MAP3K15: variants seen among roughly 807,000 people sequenced by gnomAD.
The protein encoded by MAP3K15 is mitogen-activated protein kinase kinase kinase 15.
A neutral mutation model predicts 99.5 loss-of-function variants in MAP3K15; 124 were observed. The ratio of observed to expected loss-of-function variants is 1.25; its 90% confidence interval spans 1.08 to 1.45. MAP3K15 has a LOEUF of 1.45. Ranked by LOEUF, MAP3K15 falls within the 40% of genes most tolerant of loss-of-function variation. The pLI is 0.00. For synonymous variants in MAP3K15, 494 were observed against 439.6 expected, an observed-to-expected ratio of 1.12 and a Z score of -1.55; for missense variants, 1,242 against 1,079.7, an observed-to-expected ratio of 1.15 and a Z score of -2.11.
chrX:19,475,917 G>A (rs116314694), intron 3 of MAP3K15, among the ~76,000 whole-genome samples: 1 of 111,835 alleles, frequency 8.9e-6, no homozygotes, highest in African/African-American at 3.2e-5. Context: ...GGCACCCCAT[G>A]CAAGGCATCC....
chrX:19,514,838 G>C, intron 1 of MAP3K15, 63 bp downstream of exon 1: 1 of 636,432 alleles, frequency 1.6e-6, no homozygotes, highest in Non-Finnish European at 2.2e-6. Flanking sequence ...GGGCGGGGCG[G>C]GTGCCCTGGC....
intron 3 of MAP3K15, among the ~76,000 whole-genome samples, chrX:19,483,922 A>T (rs2064307649): frequency 9.0e-6 from 1 of 111,426 alleles, no homozygotes; most frequent in Non-Finnish European, 1.9e-5. Flanking sequence ...GGTACCCCTC[A>T]AGGCTTAGTT....
At chrX:19,361,159 A>C in intron 28 of MAP3K15, 180 bp downstream of exon 28, 2 of 438,322 alleles carry the variant, frequency 4.6e-6, no homozygotes, top group Non-Finnish European at 7.8e-6. Flanking sequence ...TCTCTGTCAC[A>C]TTCCTATTTC....
intron 1 of MAP3K15, among the ~76,000 whole-genome samples, chrX:19,503,337 C>A (rs1455123285): frequency 8.9e-6 from 1 of 112,238 alleles, no homozygotes; most frequent in Non-Finnish European, 1.9e-5. Context: ...TTCATCACTG[C>A]ACAGCCATCA....
intron 25 of MAP3K15, among the ~76,000 whole-genome samples, chrX:19,365,194 G>A (rs1372125185): frequency 2.0e-5 from 2 of 102,435 alleles, no homozygotes; most frequent in Non-Finnish European, 3.9e-5. Flanking sequence ...GGGCAACAGA[G>A]TCAAACTCCA....
intron 6 of MAP3K15, among the ~76,000 whole-genome samples, chrX:19,444,750 T>C (rs959455912): frequency 8.9e-6 from 1 of 111,933 alleles, no homozygotes; most frequent in African/African-American, 3.2e-5. Flanking sequence ...GAAATTGATA[T>C]TTCAAGAAAA....
At chrX:19,500,567 G>A (rs1215968922) in intron 1 of MAP3K15, among the ~76,000 whole-genome samples, 2 of 110,472 alleles carry the variant, frequency 1.8e-5, no homozygotes, top group African/African-American at 6.6e-5. Context: ...ACTCCCTTCT[G>A]CTCCCCAACC....
At position 19,361,483 on chromosome X, in the gene MAP3K15, G is replaced by A. The variant is rs1364463236; in HGVS notation, c.3780+10C>T. 1 of 1,204,837 alleles carries A rather than the reference G, an allele frequency of 8.3e-7. No homozygotes were observed. The highest frequency in any genetic ancestry group is 3.0e-5 in the East Asian group (1 of 33,830). ...ACAACAGCATAAGAATTTCTTTGTT[G>A]TAAATTTACCTTTTCAATTGTCTTT... is the stretch of plus-strand genomic sequence containing the variant. On this transcript the variant is annotated intron_variant, in intron 27 of 28. Transcript: ENST00000338883.
chrX:19,421,714 A>G (rs1320523956), intron 9 of MAP3K15, among the ~76,000 whole-genome samples: 3 of 106,322 alleles, frequency 2.8e-5, no homozygotes, highest in Admixed American at 9.8e-5. Context: ...AAGAGCCTGC[A>G]TTGCCAAGAC....
intron 6 of MAP3K15, among the ~76,000 whole-genome samples, chrX:19,442,977 A>ACC (rs1002041678): frequency 3.0e-5 from 2 of 67,310 alleles, no homozygotes; most frequent in African/African-American, 1.2e-4. Flanking sequence ...ACCTGCCTCG[A>ACC]CCTCCCAAAG....
intron 1 of MAP3K15, among the ~76,000 whole-genome samples, chrX:19,508,536 A>C (rs1179462240): frequency 1.8e-5 from 2 of 112,341 alleles, no homozygotes; most frequent in African/African-American, 6.5e-5. Context: ...TGAAATGAAC[A>C]CTAAAAATGG....
intron 15 of MAP3K15, 41 bp downstream of exon 15, chrX:19,398,185 G>A (rs1215535406): frequency 5.8e-6 from 7 of 1,206,790 alleles, no homozygotes; most frequent in South Asian, 3.6e-5. Flanking sequence ...TCTGGGGTGT[G>A]GAGACGGCAC....
intron 13 of MAP3K15, among the ~76,000 whole-genome samples, chrX:19,405,054 A>C (rs1321231511): frequency 9.1e-6 from 1 of 110,089 alleles, no homozygotes; most frequent in African/African-American, 3.4e-5. Context: ...GCTGCAAGTG[A>C]TACCATCGAG....
At chrX:19,424,015 A>T (rs2063808398) in intron 9 of MAP3K15, among the ~76,000 whole-genome samples, 1 of 110,936 alleles carries the variant, frequency 9.0e-6, no homozygotes, top group Non-Finnish European at 1.9e-5. Context: ...CACTATTCAC[A>T]TGACTCCACT....
At chrX:19,455,857 C>G (rs2064089371) in intron 6 of MAP3K15, among the ~76,000 whole-genome samples, 1 of 110,900 alleles carries the variant, frequency 9.0e-6, no homozygotes, top group Non-Finnish European at 1.9e-5. Context: ...GCCAGGCACT[C>G]TCCCAAGAAC....
At chrX:19,429,127 G>A in intron 7 of MAP3K15, among the ~76,000 whole-genome samples, 1 of 111,359 alleles carries the variant, frequency 9.0e-6, no homozygotes, top group Non-Finnish European at 1.9e-5. Flanking sequence ...AAGGCTAGAG[G>A]TAGGTTGGAG....
At chrX:19,423,451 C>T (rs977127491) in intron 9 of MAP3K15, among the ~76,000 whole-genome samples, 2 of 111,345 alleles carry the variant, frequency 1.8e-5, no homozygotes, top group Admixed American at 1.9e-4. Flanking sequence ...CACACCTTTG[C>T]TCTTTTCAGG....
At chrX:19,365,617 A>C (rs1056812945) in intron 25 of MAP3K15, among the ~76,000 whole-genome samples, 2 of 112,621 alleles carry the variant, frequency 1.8e-5, no homozygotes, top group African/African-American at 6.4e-5. Context: ...TTACATACCT[A>C]GTACATGGGA....
In MAP3K15 at chrX:19,456,955, T is replaced by C. The variant is rs1344369513; in HGVS notation, c.953A>G (p.Asp318Gly). 1.7e-6 allele frequency: 2 copies of C among 1,198,008 alleles called. No homozygotes were observed. The highest frequency in any genetic ancestry group is 2.2e-6 in the Non-Finnish European group (2 of 894,342). Residue 318 changes from aspartate (D) to glycine (G), a missense_variant, in exon 6 of 29, where the codon GAT (aspartate) becomes GGT (glycine). Coordinates refer to ENST00000338883, the MANE Select transcript of MAP3K15 (RefSeq NM_001001671.4). ...ATAGTGGAATTTAATGTTATGCTGA[T>C]CGGCCAAATCACACGTAGGCAGCAT... The part of the protein sequence containing the change: ...LEMLPTCDLA[D>G]QHNIKFHYAF...
Sources: allele counts gnomAD v4.1 joint callset (sites outside exome capture counted in the v4.1 genomes callset), GRCh38; gene constraint gnomAD v4.1.1; transcripts MANE v1.5; gene names NCBI Gene and HGNC (gene_info 2026-07-23, HGNC 2026-07-21).